Variants in ATG14 observed in about 807,000 individuals in gnomAD.
ATG14 encodes the protein beclin 1-associated autophagy-related key regulator.
Under a neutral mutation model 60.4 loss-of-function variants are expected in ATG14, and 35 were observed. The ratio of observed to expected loss-of-function variants is 0.58; its 90% CI spans 0.44 to 0.77. The LOEUF is 0.77. Ranked by LOEUF, ATG14 falls within the 30% of genes least tolerant of loss-of-function variation. The pLI is 0.00. For synonymous variants in ATG14, 234 were observed against 228.8 expected (o/e 1.02, Z -0.21); for missense variants, 647 against 626.3 (o/e 1.03, Z -0.35).
At chr14:55,403,302 A>G (rs922035488) in intron 1 of ATG14, among the ~76,000 whole-genome samples, 2 of 152,064 alleles carry the variant, frequency 1.3e-5, no homozygotes, top group African/African-American at 4.8e-5. Flanking sequence ...ACTTAATCTT[A>G]CCATGCATTA....
chr14:55,389,143 GTTGTTT>G (rs1350174686), intron 4 of ATG14, among the ~76,000 whole-genome samples: 1 of 152,174 alleles, frequency 6.6e-6, no homozygotes, highest in Non-Finnish European at 1.5e-5. Flanking sequence ...CTTTGTGGTG[GTTGTTT>G]TTGTTTTTGG....
chr14:55,384,119 AAAC>A (rs1301066413), intron 5 of ATG14, among the ~76,000 whole-genome samples: 1 of 152,226 alleles, frequency 6.6e-6, no homozygotes, highest in Non-Finnish European at 1.5e-5. Flanking sequence ...AGAGAAAGGC[AAAC>A]AAGAAACCTT....
chr14:55,404,706 C>T (rs1445782033), intron 1 of ATG14, among the ~76,000 whole-genome samples: 1 of 152,160 alleles, frequency 6.6e-6, no homozygotes. Flanking sequence ...CCTTGGTTCA[C>T]TAGAGCACAT....
In ATG14 at chr14:55,385,941, G is replaced by A. The variant is rs199828264; in HGVS notation, c.565C>T (p.Arg189Cys). The A allele has an allele frequency of 2.5e-6, 4 of 1,614,126 alleles. No homozygotes were observed. The highest frequency in any genetic ancestry group is 4.5e-5 in the East Asian group (2 of 44,892). ...KTIDLRSHYE[R>C]LANLRRSHIL... Reference sequence around the variant, plus strand: ...TGGGATCGTCGAAGATTTGCCAGACGCTCATAATGACTTCTTAAGTCAATG... The same window carrying A: ...TGGGATCGTCGAAGATTTGCCAGACACTCATAATGACTTCTTAAGTCAATG... The change falls in exon 5 of 10, where the codon CGT becomes TGT. Residue 189 changes from arginine (R) to cysteine (C), a missense_variant. By Grantham distance (180) the Arg-to-Cys change is radical (BLOSUM62 -3). Transcript: ENST00000247178.
intron 3 of ATG14, among the ~76,000 whole-genome samples, chr14:55,391,589 A>C (rs1473050003): frequency 5.3e-5 from 8 of 152,188 alleles, no homozygotes; most frequent in African/African-American, 1.9e-4. Flanking sequence ...CGCTCTAGCT[A>C]TATAGCTACT....
chr14:55,382,265 T>C (rs1378632845), intron 5 of ATG14, 74 bp from the exon 6 acceptor site: 2 of 1,346,236 alleles, frequency 1.5e-6, no homozygotes, highest in Non-Finnish European at 2.1e-6. Context: ...CTGCAAGACA[T>C]GCTAGAACAT....
intron 2 of ATG14, 85 bp downstream of exon 2, chr14:55,397,287 G>T: frequency 1.7e-6 from 2 of 1,145,358 alleles, no homozygotes; most frequent in Non-Finnish European, 2.6e-6. Flanking sequence ...TTAGCAATCC[G>T]TATATCTGCA....
chr14:55,392,373 G>A (rs561673312), intron 3 of ATG14, among the ~76,000 whole-genome samples: 1 of 152,230 alleles, frequency 6.6e-6, no homozygotes, highest in East Asian at 1.9e-4. Context: ...CTATGGCCGG[G>A]TGCAGTGACT....
rs189788737 is a variant in ATG14 at position 55,382,495 on chromosome 14, A to T, written c.648-304T>A. On this transcript the variant is annotated intron_variant, in intron 5 of 9. Coordinates refer to ENST00000247178, the MANE Select transcript of ATG14 (RefSeq NM_014924.5). The stretch of plus-strand genomic sequence containing the variant: ...CCACCACACCTGGTTAACTTAAAAA[A>T]TTTTTTTTTGTAGAGATGGGGTCTC... Among the ~76,000 whole-genome samples, 825 of 151,446 alleles carry T rather than the reference A, an allele frequency of 5.4e-3. 8 individuals carry two copies. Among genetic ancestry groups the T allele is most frequent in the African/African-American group, 0.019 (779 of 41,270 alleles).
At position 55,366,408 on chromosome 14, in the gene ATG14, T is replaced by A. The variant is rs1884679853; in HGVS notation, c.*3211A>T. 6.6e-6 allele frequency: 1 copy of A among 152,644 alleles called. No individual in the cohort carries two copies. The highest frequency in any genetic ancestry group is 1.5e-5 in the Non-Finnish European group (1 of 68,036). 9.5% of individuals were successfully genotyped at this position (152,644 alleles called of 1,614,324 possible). On this transcript the variant is annotated 3_prime_UTR_variant, in exon 10 of 10. Coordinates refer to ENST00000247178, the MANE Select transcript of ATG14 (RefSeq NM_014924.5). ...GAGCAAAGTACTGTTAAAAGATTTA[T>A]TGCAGTAATACAATAAAAGTTTAGA...
At chr14:55,402,007 C>T (rs948708755) in intron 1 of ATG14, among the ~76,000 whole-genome samples, 2 of 152,184 alleles carry the variant, frequency 1.3e-5, no homozygotes, top group African/African-American at 2.4e-5. Context: ...CTCTGTTCCC[C>T]GGCTACAATC....
intron 1 of ATG14, among the ~76,000 whole-genome samples, chr14:55,403,843 T>G (rs1885449242): frequency 6.6e-6 from 1 of 152,242 alleles, no homozygotes; most frequent in African/African-American, 2.4e-5. Context: ...ATGTTTGAGC[T>G]AAACATTTCA....
chr14:55,393,347 T>C (rs375397754), intron 3 of ATG14, among the ~76,000 whole-genome samples: 62 of 151,298 alleles, frequency 4.1e-4, no homozygotes, highest in African/African-American at 1.5e-3. Flanking sequence ...ATCGCGCCAC[T>C]GCACTCCAGC....
At chr14:55,383,331 A>C (rs1885067096) in intron 5 of ATG14, among the ~76,000 whole-genome samples, 1 of 152,024 alleles carries the variant, frequency 6.6e-6, no homozygotes, top group South Asian at 2.1e-4. Context: ...CAGGCAGATC[A>C]CTTGAGGTCA....
In ATG14 at chr14:55,391,293, G is replaced by C. The variant is rs560804619; in HGVS notation, c.328-301C>G. ...GATCAAGACCATCCTGGCCAACATG[G>C]TGAAACCCCATCTCTACTAAAAAAA... On this transcript the variant is annotated intron_variant, in intron 3 of 9. Coordinates refer to ENST00000247178, the MANE Select transcript of ATG14 (RefSeq NM_014924.5). 430 of 197,006 alleles carry C rather than the reference G, an allele frequency of 2.2e-3. 2 individuals carry two copies. The highest frequency in any genetic ancestry group is 9.8e-3 in the African/African-American group (412 of 42,232). The allele number at this position is 197,006 out of a possible 1,614,324, so 12.2% of individuals were successfully genotyped here. A position where few individuals can be genotyped will look rare whatever the true frequency, so the allele number is the denominator to read the frequency against.
intron 7 of ATG14, among the ~76,000 whole-genome samples, chr14:55,379,485 C>T (rs1030174618): frequency 2.6e-5 from 4 of 152,016 alleles, no homozygotes; most frequent in Admixed American, 6.6e-5. Flanking sequence ...ACGGAGGTTG[C>T]AATGAGCTAA....
intron 1 of ATG14, among the ~76,000 whole-genome samples, chr14:55,399,002 C>T (rs1885358722): frequency 6.6e-6 from 1 of 151,996 alleles, no homozygotes; most frequent in Admixed American, 6.6e-5. Flanking sequence ...TATTTCCCAG[C>T]AAAAAGGAAA....
intron 1 of ATG14, 36 bp from the exon 2 acceptor site, chr14:55,397,470 T>G (rs1885332102): frequency 6.5e-7 from 1 of 1,528,080 alleles, no homozygotes; most frequent in African/African-American, 1.4e-5. Flanking sequence ...ATTTAAATGG[T>G]CATTTTTTCA....
chr14:55,404,658 C>A (rs1198440498), intron 1 of ATG14, among the ~76,000 whole-genome samples: 1 of 152,114 alleles, frequency 6.6e-6, no homozygotes, highest in African/African-American at 2.4e-5. Context: ...GCAGGGTGTA[C>A]AGGTGGGGGG....
Sources: gnomAD v4.1 joint callset for allele counts (sites outside exome capture counted in the v4.1 genomes callset) on GRCh38, gnomAD v4.1.1 for gene constraint, MANE v1.5 for transcripts, NCBI Gene and HGNC (gene_info 2026-07-23, HGNC 2026-07-21) for gene names.